DUSP29: variants seen among roughly 807,000 people sequenced by gnomAD.
The protein encoded by DUSP29 is dual specificity phosphatase 29, also known as atypical dual-specific protein phosphatase.
DUSP29 carries 12 observed loss-of-function variants against 13.5 expected under a neutral mutation model. The observed-to-expected ratio is 0.89, with a 90% CI of 0.57 to 1.44. DUSP29 has a LOEUF of 1.44. Among genes scored for constraint, DUSP29 ranks in the 40% most tolerant of loss-of-function variants. DUSP29 has a pLI of 0.00. For synonymous variants in DUSP29, 134 were observed against 128.7 expected, an observed-to-expected ratio of 1.04 and a Z score of -0.28; for missense variants, 308 against 301.1, an observed-to-expected ratio of 1.02 and a Z score of -0.17.
intron 1 of DUSP29, among the ~76,000 whole-genome samples, chr10:75,064,249 C>T (rs1004838270): frequency 3.9e-5 from 6 of 152,124 alleles, no homozygotes; most frequent in Admixed American, 2.6e-4. Context: ...GTGGCTCACG[C>T]CTGTAATCCC....
At chr10:75,071,895 G>A (rs140841382) in intron 1 of DUSP29, among the ~76,000 whole-genome samples, 263 of 152,328 alleles carry the variant, frequency 1.7e-3, no homozygotes, top group African/African-American at 6.0e-3. Flanking sequence ...AGACACAAGC[G>A]GCTGGTTGTC....
At chr10:75,060,762 T>C (rs975388841) in intron 1 of DUSP29, among the ~76,000 whole-genome samples, 13 of 152,218 alleles carry the variant, frequency 8.5e-5, no homozygotes, top group Non-Finnish European at 1.3e-4. Flanking sequence ...AGACATCATA[T>C]GCCTTCGAAT....
intron 2 of DUSP29, among the ~76,000 whole-genome samples, chr10:75,044,271 T>C (rs1450511972): frequency 6.6e-6 from 1 of 152,080 alleles, no homozygotes; most frequent in East Asian, 1.9e-4. Context: ...CGTTCGTCCA[T>C]TAGTTCTTTC....
At chr10:75,050,553 C>G (rs1034090938) in intron 2 of DUSP29, among the ~76,000 whole-genome samples, 1 of 152,258 alleles carries the variant, frequency 6.6e-6, no homozygotes, top group East Asian at 1.9e-4. Flanking sequence ...TCGAAATCAT[C>G]CTTTATTTTA....
intron 2 of DUSP29, among the ~76,000 whole-genome samples, chr10:75,044,358 A>C (rs1303859986): frequency 2.0e-5 from 3 of 151,914 alleles, no homozygotes; most frequent in Non-Finnish European, 4.4e-5. Context: ...AATCGCCTGA[A>C]AGCCCTCCAG....
intron 1 of DUSP29, among the ~76,000 whole-genome samples, chr10:75,071,662 G>C (rs1291223566): frequency 1.3e-5 from 2 of 152,232 alleles, no homozygotes; most frequent in South Asian, 2.1e-4. Context: ...AGAGCCAAGT[G>C]AGATCCTGAT....
At chr10:75,044,615 T>C (rs1264997262) in intron 2 of DUSP29, among the ~76,000 whole-genome samples, 1 of 152,220 alleles carries the variant, frequency 6.6e-6, no homozygotes, top group Non-Finnish European at 1.5e-5. Context: ...TTTTGAGCCA[T>C]CTGTTGTTTG....
In DUSP29 at chr10:75,037,902, C is replaced by T. The variant is rs1868624; in HGVS notation, c.597G>A (p.Gln199=). Residue 199 remains glutamine (Q), a synonymous_variant, in exon 4 of 4, where the codon CAG becomes CAA. Transcript: ENST00000338487. ...FLKQLRELDK[Q]LVQQRRRSQR... is the part of the protein sequence containing the mutation. ...GGGACCGTCGCCTCTGCTGCACCAG[C>T]TGCTTGTCCAGCTCCCGGAGCTGCT... The T allele has an allele frequency of 1.1e-3, 1,815 of 1,613,694 alleles. 14 individuals carry two copies. In the African/African-American group the frequency reaches 0.021, roughly 19 times the overall value.
chr10:75,048,206 A>T (rs1007038238), intron 2 of DUSP29, among the ~76,000 whole-genome samples: 25 of 152,186 alleles, frequency 1.6e-4, no homozygotes, highest in African/African-American at 5.8e-4. Flanking sequence ...AAATTGCTAA[A>T]AATTGCAGTC....
chr10:75,064,052 C>CG (rs1302625098), intron 1 of DUSP29, among the ~76,000 whole-genome samples: 1 of 145,936 alleles, frequency 6.9e-6, no homozygotes, highest in East Asian at 2.0e-4. Flanking sequence ...CTAGTTCAGA[C>CG]TTTTTTTTTT....
intron 1 of DUSP29, among the ~76,000 whole-genome samples, chr10:75,065,876 ATTTAT>A (rs1037930325): frequency 4.1e-5 from 6 of 146,364 alleles, no homozygotes; most frequent in Admixed American, 2.7e-4. Flanking sequence ...TATTATTATC[ATTTAT>A]TTTATTTTAT....
At chr10:75,044,063 C>CG (rs767420877) in intron 2 of DUSP29, 46 bp from the exon 3 acceptor site, 1 of 1,566,174 alleles carries the variant, frequency 6.4e-7, no homozygotes, top group East Asian at 2.3e-5. Flanking sequence ...CGCCCTGCCC[C>CG]GGGTCCGGGA....
chr10:75,048,701 G>A (rs780904451), intron 2 of DUSP29, among the ~76,000 whole-genome samples: 3 of 152,144 alleles, frequency 2.0e-5, no homozygotes, highest in Admixed American at 6.5e-5. Context: ...GAGTGTGCCC[G>A]TTCCTTGCAA....
intron 3 of DUSP29, among the ~76,000 whole-genome samples, chr10:75,038,647 C>G (rs192966870): frequency 2.9e-4 from 43 of 150,610 alleles, no homozygotes; most frequent in Non-Finnish European, 3.8e-4. Context: ...GTTCATTAAG[C>G]CTTTTGGGGG....
chr10:75,056,944 C>T (rs1051705309), intron 2 of DUSP29, among the ~76,000 whole-genome samples: 4 of 152,090 alleles, frequency 2.6e-5, no homozygotes, highest in African/African-American at 4.8e-5. Flanking sequence ...TATGGCTAGA[C>T]GATTATCTCC....
intron 2 of DUSP29, among the ~76,000 whole-genome samples, chr10:75,054,597 A>G (rs540524114): frequency 3.5e-4 from 54 of 152,340 alleles, no homozygotes; most frequent in African/African-American, 1.3e-3. Context: ...CACAATATTA[A>G]TAGGAGTATC....
intron 1 of DUSP29, among the ~76,000 whole-genome samples, chr10:75,059,442 G>A (rs560095286): frequency 6.6e-6 from 1 of 152,300 alleles, no homozygotes; most frequent in South Asian, 2.1e-4. Context: ...GAACCATGGA[G>A]GTGAATGCTA....
At chr10:75,065,540 G>C (rs1847181789) in intron 1 of DUSP29, among the ~76,000 whole-genome samples, 1 of 152,062 alleles carries the variant, frequency 6.6e-6, no homozygotes, top group South Asian at 2.1e-4. Context: ...TGTTGGCCAG[G>C]CTGGTCTCAA....
chr10:75,065,218 T>G (rs758996211), intron 1 of DUSP29, among the ~76,000 whole-genome samples: 4 of 152,136 alleles, frequency 2.6e-5, no homozygotes, highest in Non-Finnish European at 5.9e-5. Flanking sequence ...CTTGCTAAGG[T>G]GGCAGATGGG....
Sources: gnomAD v4.1 joint callset for allele counts (sites outside exome capture counted in the v4.1 genomes callset) on GRCh38, gnomAD v4.1.1 for gene constraint, MANE v1.5 for transcripts, NCBI Gene and HGNC (gene_info 2026-07-23, HGNC 2026-07-21) for gene names.